Variants in FOXP4 observed in about 807,000 individuals in gnomAD.
FOXP4 encodes the protein forkhead box protein P4.
FOXP4 carries 25 observed loss-of-function variants against 82.6 expected under a neutral mutation model. The ratio of observed to expected loss-of-function variants is 0.30; its 90% CI spans 0.22 to 0.42. FOXP4 has a LOEUF of 0.42. Among genes scored for constraint, FOXP4 ranks in the 10% least tolerant of loss-of-function variants. FOXP4 has a pLI of 1.00. For missense variants in FOXP4, 785 were observed against 900.9 expected (o/e 0.87, Z 1.65); for synonymous variants, 415 against 388.2 (o/e 1.07, Z -0.81).
chr6:41,594,215 CCT>C (rs1025317319), intron 13 of FOXP4, among the ~76,000 whole-genome samples: 1 of 151,766 alleles, frequency 6.6e-6, no homozygotes, highest in African/African-American at 2.4e-5. Context: ...TTCTTTCTCT[CCT>C]CTTTCTGCCT....
Position 41,551,088 on chromosome 6 carries a change from C to T in FOXP4, c.-17+4221C>T, listed in dbSNP as rs148826719. On this transcript the variant is annotated intron_variant, in intron 1 of 16. Coordinates refer to ENST00000307972, the MANE Select transcript of FOXP4 (RefSeq NM_001012426.2). ...CAGTCCACTGCCAGTTCCACCAAGC[C>T]GGGATCACAGCGGGAACCCTCTTTC... 1.4e-3 allele frequency among the ~76,000 whole-genome samples: 206 copies of T among 152,290 alleles called. 2 individuals are homozygous for T. The highest frequency in any genetic ancestry group is 4.6e-3 in the African/African-American group (192 of 41,560).
intron 1 of FOXP4, among the ~76,000 whole-genome samples, chr6:41,556,461 CT>C (rs377254680): frequency 1.5e-3 from 225 of 151,842 alleles, no homozygotes; most frequent in African/African-American, 5.1e-3. Flanking sequence ...GTAGCTGGGA[CT>C]TACAGGCGCC....
rs1290252299 is a variant in FOXP4 at position 41,591,934 on chromosome 6, A to G, written c.1536+612A>G. Among the ~76,000 whole-genome samples, 1 of 152,162 alleles carries G rather than the reference A, an allele frequency of 6.6e-6. No individual in the cohort carries two copies. The highest frequency in any genetic ancestry group is 2.4e-5 in the African/African-American group (1 of 41,440). On this transcript the variant is annotated intron_variant, in intron 13 of 16. Transcript: ENST00000307972. This position sits in a 1 kb window ranked among gnomAD's most constrained non-coding sequence, Gnocchi z 4.2. ...AAGCAGGCAAGAGGGGGACTCTAGA[A>G]AAATGGGAGACAGATGCTGGGGTAC...
chr6:41,556,603 T>C (rs536603491), intron 1 of FOXP4, among the ~76,000 whole-genome samples: 31 of 152,248 alleles, frequency 2.0e-4, no homozygotes, highest in South Asian at 6.2e-4. Flanking sequence ...GGATTACAGG[T>C]GTGAGCCACC....
At chr6:41,554,929 C>G (rs1254244780) in intron 1 of FOXP4, among the ~76,000 whole-genome samples, 1 of 151,440 alleles carries the variant, frequency 6.6e-6, no homozygotes, top group East Asian at 2.0e-4. Context: ...GACACCCTGA[C>G]CCAAATCTAA....
intron 1 of FOXP4, 82 bp from the exon 2 acceptor site, chr6:41,565,663 G>A: frequency 3.8e-6 from 5 of 1,304,564 alleles, no homozygotes; most frequent in Non-Finnish European, 5.3e-6. Context: ...TGTGGCGATG[G>A]TTATGTTTTT....
rs573417018 is a variant in FOXP4, at chr6:41,575,036, T to A, written c.205-2950T>A. On this transcript the variant is annotated intron_variant, in intron 2 of 16. Transcript: ENST00000307972. ...CAGGCTGGAGTGCAGTGGTGCCACC[T>A]CGGCTCACTGCAAGCTCCACCTCCC... Among the ~76,000 whole-genome samples, 9 of 152,298 alleles carry A rather than the reference T, an allele frequency of 5.9e-5. No individual in the cohort carries two copies. In the South Asian group the frequency reaches 1.9e-3, roughly 32 times the overall value.
chr6:41,556,931 T>C (rs1764311712), intron 1 of FOXP4, among the ~76,000 whole-genome samples: 1 of 152,228 alleles, frequency 6.6e-6, no homozygotes, highest in Non-Finnish European at 1.5e-5. Flanking sequence ...GCCATAGGTA[T>C]GGGTTGGTTG....
intron 3 of FOXP4, among the ~76,000 whole-genome samples, chr6:41,583,327 G>A (rs919554621): frequency 1.3e-5 from 2 of 152,178 alleles, no homozygotes; most frequent in African/African-American, 2.4e-5. Context: ...GGCTTAAGGG[G>A]TGGTTCAAGG....
rs982418789 is a variant in FOXP4, at chr6:41,600,116, C to G, written c.*1180C>G. The stretch of plus-strand genomic sequence containing the variant: ...TGGTGGCCAAGACCTTCTCTCTCCA[C>G]CCCTCCTCCATCCACCCTGAGGACC... On this transcript the variant is annotated 3_prime_UTR_variant, in exon 17 of 17. Coordinates refer to ENST00000307972, the MANE Select transcript of FOXP4 (RefSeq NM_001012426.2). 6.5e-6 allele frequency: 1 copy of G among 152,788 alleles called. No individual in the cohort carries two copies. Among genetic ancestry groups the G allele is most frequent in the Non-Finnish European group, 1.5e-5 (1 of 68,134 alleles). 9.5% of individuals were successfully genotyped at this position (152,788 alleles called of 1,614,324 possible). A position where few individuals can be genotyped will look rare whatever the true frequency, so the allele number is the denominator to read the frequency against.
In FOXP4 at chr6:41,597,667, G is replaced by T. The variant is rs577831671; in HGVS notation, c.1726-114G>T. 3.7e-6 allele frequency: 5 copies of T among 1,337,868 alleles called. No individual in the cohort carries two copies. The East Asian group carries it at 1.0e-4, about 27-fold the overall frequency. 82.9% of individuals were successfully genotyped at this position (1,337,868 alleles called of 1,614,324 possible). ...TTGCCCAGACAGATCCGCCCGTGGGGCCAGTAGGCAGACACACAGGCAGCT... is the reference window on the plus strand; with the variant it reads ...TTGCCCAGACAGATCCGCCCGTGGGTCCAGTAGGCAGACACACAGGCAGCT... On this transcript the variant is annotated intron_variant, in intron 15 of 16. Coordinates refer to ENST00000307972, the MANE Select transcript of FOXP4 (RefSeq NM_001012426.2).
At chr6:41,547,801 G>A (rs1763740444) in intron 1 of FOXP4, among the ~76,000 whole-genome samples, 1 of 147,054 alleles carries the variant, frequency 6.8e-6, no homozygotes, top group African/African-American at 2.7e-5. Context: ...CAACTGAGGA[G>A]TCTGGTATCT....
chr6:41,561,091 G>A (rs1049060702), intron 1 of FOXP4, among the ~76,000 whole-genome samples: 8 of 152,232 alleles, frequency 5.3e-5, no homozygotes, highest in African/African-American at 1.9e-4. Flanking sequence ...GGAAGTGGGA[G>A]CCCCCAGCGG....
intron 2 of FOXP4, among the ~76,000 whole-genome samples, chr6:41,576,233 A>G (rs1225243664): frequency 6.6e-6 from 1 of 152,154 alleles, no homozygotes; most frequent in Non-Finnish European, 1.5e-5. Context: ...TGAGGAGCAC[A>G]CCAATCTGAG....
intron 3 of FOXP4, among the ~76,000 whole-genome samples, chr6:41,580,226 GGTT>G (rs1334057311): frequency 6.6e-6 from 1 of 151,740 alleles, no homozygotes; most frequent in Non-Finnish European, 1.5e-5. Context: ...TTTTTAGTAG[GGTT>G]GTATTTTTAG....
In FOXP4 at chr6:41,589,790, G is replaced by T; in HGVS notation, c.1085G>T (p.Arg362Leu). Reference protein sequence around the residue: ...LEIQLAKESERLQAMMAHLHM... With the variant: ...LEIQLAKESELLQAMMAHLHM... ...CCACAGCTCGCCAAGGAGAGCGAGC[G>T]GCTGCAGGCCATGATGGCCCACCTG... Residue 362 changes from arginine to leucine, a missense_variant, in exon 10 of 17, where the codon CGG becomes CTG. This residue lies in a region of FOXP4 where 570 missense variants were observed against 634.0 expected (regional missense o/e 0.90). Coordinates refer to ENST00000307972, the MANE Select transcript of FOXP4 (RefSeq NM_001012426.2). 1.2e-6 allele frequency: 2 copies of T among 1,611,158 alleles called. No individual in the cohort carries two copies. Among genetic ancestry groups the T allele is most frequent in the East Asian group, 2.2e-5 (1 of 44,866 alleles).
At chr6:41,570,366 A>G in intron 2 of FOXP4, 1 of 471,282 alleles carries the variant, frequency 2.1e-6, no homozygotes, top group Non-Finnish European at 4.4e-6. Context: ...AATGCTCAGA[A>G]ACTGCCCTTT....
intron 3 of FOXP4, among the ~76,000 whole-genome samples, chr6:41,583,954 C>T (rs561186363): frequency 7.9e-5 from 12 of 152,306 alleles, no homozygotes; most frequent in African/African-American, 2.9e-4. Context: ...TCTCTTACAG[C>T]ATAGTCTCTT....
Position 41,591,232 on chromosome 6 carries a change from A to G in FOXP4, c.1446A>G (p.Glu482=). 1.9e-6 allele frequency: 3 copies of G among 1,609,022 alleles called. No individual in the cohort carries two copies. The highest frequency in any genetic ancestry group is 2.5e-6 in the Non-Finnish European group (3 of 1,177,678). The change falls in exon 13 of 17, where the codon GAA becomes GAG. Residue 482 remains glutamate, a synonymous_variant. Coordinates refer to ENST00000307972, the MANE Select transcript of FOXP4 (RefSeq NM_001012426.2). The surrounding 1 kb of genome is among the most constrained non-coding windows in gnomAD (Gnocchi z 4.2). ...TTCCTTCCCCGCAGGCCATCCTGGAAACCCCTGACAGGCAGCTGACCCTGA... is the reference window on the plus strand; with the variant it reads ...TTCCTTCCCCGCAGGCCATCCTGGAGACCCCTGACAGGCAGCTGACCCTGA... The part of the protein sequence containing the change: ...YASLIRQAIL[E]TPDRQLTLNE...
Sources: allele counts gnomAD v4.1 joint callset (sites outside exome capture counted in the v4.1 genomes callset), GRCh38; gene constraint gnomAD v4.1.1; regional missense constraint gnomAD v4.1.1; non-coding constraint Gnocchi (gnomAD v3.1); transcripts MANE v1.5; gene names NCBI Gene and HGNC (gene_info 2026-07-23, HGNC 2026-07-21).